The following MLIP variants were observed in gnomAD, a reference collection of about 807,000 sequenced individuals.
MLIP encodes muscular LMNA-interacting protein.
Under a neutral mutation model 84.8 loss-of-function variants are expected in MLIP, and 79 were observed. That is an observed-to-expected ratio of 0.93 (90% CI 0.78 to 1.12). MLIP has a LOEUF of 1.12. Among genes scored for constraint, MLIP ranks in the 50% most tolerant of loss-of-function variants. The pLI is 0.00. For synonymous variants in MLIP, 504 were observed against 463.0 expected (o/e 1.09, Z -1.14); for missense variants, 1,257 against 1,160.6 (o/e 1.08, Z -1.21).
chr6:54,150,277 A>G (rs887000466), intron 5 of MLIP, among the ~76,000 whole-genome samples: 2 of 152,194 alleles, frequency 1.3e-5, no homozygotes, highest in Admixed American at 6.6e-5. Flanking sequence ...AGGCTGCAGG[A>G]AAATCTGCAG....
intron 9 of MLIP, among the ~76,000 whole-genome samples, chr6:54,184,229 A>G (rs541571233): frequency 1.0e-3 from 157 of 152,300 alleles, no homozygotes; most frequent in Non-Finnish European, 1.9e-3. Flanking sequence ...GTCAACAGAG[A>G]AAAAGGGAAA....
At chr6:54,022,991 C>A (rs1763582978) in intron 1 of MLIP, among the ~76,000 whole-genome samples, 1 of 151,768 alleles carries the variant, frequency 6.6e-6, no homozygotes, top group African/African-American at 2.4e-5. Flanking sequence ...CACGGTGAAA[C>A]ACCATCTCTA....
chr6:54,057,147 T>C (rs568271382), intron 1 of MLIP, among the ~76,000 whole-genome samples: 1 of 152,292 alleles, frequency 6.6e-6, no homozygotes, highest in African/African-American at 2.4e-5. Flanking sequence ...CACTGAGAAA[T>C]TAAATGACTT....
chr6:54,166,970 T>A (rs373807519), intron 8 of MLIP, among the ~76,000 whole-genome samples: 1 of 151,956 alleles, frequency 6.6e-6, no homozygotes, highest in African/African-American at 2.4e-5. Flanking sequence ...TTTGGTGTCA[T>A]GTTTTATTCT....
chr6:54,252,091 A>ATATATTATAACATATAATATATAAC (rs1212786517), intron 12 of MLIP, among the ~76,000 whole-genome samples: 1,438 of 73,222 alleles, frequency 0.02, 84 homozygotes, highest in African/African-American at 0.041. Flanking sequence ...TAATATAAAT[A>ATATATTATAACATATAATATATAAC]TATATTATAA....
chr6:54,172,953 C>T (rs1485462060), intron 9 of MLIP, among the ~76,000 whole-genome samples: 1 of 151,610 alleles, frequency 6.6e-6, no homozygotes, highest in Non-Finnish European at 1.5e-5. Flanking sequence ...AGAATTGAAA[C>T]TAGGCTAACA....
At chr6:54,241,082 A>G (rs1018359155) in intron 12 of MLIP, among the ~76,000 whole-genome samples, 20 of 152,248 alleles carry the variant, frequency 1.3e-4, no homozygotes, top group Non-Finnish European at 1.0e-4. Context: ...TTTACCTCAT[A>G]GAAAACACTA....
chr6:54,201,176 C>A (rs1463346762), intron 10 of MLIP, among the ~76,000 whole-genome samples: 1 of 152,132 alleles, frequency 6.6e-6, no homozygotes, highest in African/African-American at 2.4e-5. Flanking sequence ...AGTTCTCCTG[C>A]CTCTCTTTGT....
chr6:54,227,536 T>C (rs1350968732), intron 11 of MLIP, among the ~76,000 whole-genome samples: 1 of 152,210 alleles, frequency 6.6e-6, no homozygotes, highest in Admixed American at 6.5e-5. Flanking sequence ...AAGCGCATAC[T>C]GGGGTATTTT....
chr6:54,068,377 T>G lies in MLIP; in HGVS notation c.63+49286T>G, dbSNP rs527318513. 6.3e-4 allele frequency among the ~76,000 whole-genome samples: 62 copies of G among 97,936 alleles called. 21 individuals are homozygous for G. Among genetic ancestry groups the G allele is most frequent in the Non-Finnish European group, 1.5e-3 (51 of 34,120 alleles). 64.2% of individuals were successfully genotyped at this position (97,936 alleles called of 152,430 possible). A position where few individuals can be genotyped will look rare whatever the true frequency, so the allele number is the denominator to read the frequency against. ...GTCTCGAACTCCTGACCTCAAGTGA[T>G]CCACCCACCTCAGCCTCCCAAAGTT... is the stretch of plus-strand genomic sequence containing the variant. On this transcript the variant is annotated intron_variant, in intron 1 of 12. Coordinates refer to the MLIP transcript ENST00000274897.
At chr6:54,095,589 G>T (rs957067772) in intron 1 of MLIP, among the ~76,000 whole-genome samples, 2 of 151,804 alleles carry the variant, frequency 1.3e-5, no homozygotes, top group Non-Finnish European at 2.9e-5. Context: ...GAGTGATTGG[G>T]GTAAAAAAGA....
chr6:54,107,313 A>G (rs914136601), upstream of MLIP, among the ~76,000 whole-genome samples: 1 of 152,238 alleles, frequency 6.6e-6, no homozygotes, highest in Non-Finnish European at 1.5e-5. Context: ...TACTACTATA[A>G]GCAGTAATAA....
At chr6:54,257,263 C>T in intron 12 of MLIP, 45 bp from the exon 13 acceptor site, 7 of 1,381,830 alleles carry the variant, frequency 5.1e-6, no homozygotes, top group East Asian at 2.3e-5. Flanking sequence ...TTATTTTTTT[C>T]TCACTTCTAC....
At chr6:54,095,155 G>T (rs1301279661) in intron 1 of MLIP, among the ~76,000 whole-genome samples, 1 of 152,150 alleles carries the variant, frequency 6.6e-6, no homozygotes, top group Admixed American at 6.6e-5. Context: ...TTACCATAAA[G>T]ATGTATTTTG....
At chr6:54,233,842 A>T (rs11968380) in intron 12 of MLIP, among the ~76,000 whole-genome samples, 1 of 152,128 alleles carries the variant, frequency 6.6e-6, no homozygotes, top group African/African-American at 2.4e-5. Context: ...CTCTCTCCAG[A>T]TCTTCTCCAG....
chr6:54,049,171 A>G (rs1765238954), intron 1 of MLIP, among the ~76,000 whole-genome samples: 1 of 152,200 alleles, frequency 6.6e-6, no homozygotes, highest in Admixed American at 6.5e-5. Context: ...GAGGATTTTC[A>G]GCAAATACCT....
In MLIP at chr6:54,093,329, A is replaced by ATTCT. The variant is rs1767981818; in HGVS notation, c.64-28118_64-28117insTTCT. ...GTGCTTATTAATATATTTTCGATTA[A>ATTCT]ATTCTATTCTATTCTATTCTATTCT... On this transcript the variant is annotated intron_variant, in intron 1 of 12. Coordinates refer to the MLIP transcript ENST00000274897. Among the ~76,000 whole-genome samples, 11 of 134,078 alleles carry ATTCT rather than the reference A, an allele frequency of 8.2e-5. No homozygotes were observed. The South Asian group carries it at 2.1e-3, about 26-fold the overall frequency. 88.0% of individuals were successfully genotyped at this position (134,078 alleles called of 152,430 possible).
intron 1 of MLIP, among the ~76,000 whole-genome samples, chr6:54,033,053 A>G (rs2150286461): frequency 6.6e-6 from 1 of 152,300 alleles, no homozygotes; most frequent in East Asian, 1.9e-4. Flanking sequence ...AACATCTTTA[A>G]TTAAATTTTT....
In MLIP at chr6:54,146,693, C is replaced by A. The variant is rs182189247; in HGVS notation, c.2218-2363C>A. Reference sequence around the variant, plus strand: ...TGAGGGAGTTGAACCAAATGACCTTCTATATCACTTCTTATGGTAAGATTC... The same window carrying A: ...TGAGGGAGTTGAACCAAATGACCTTATATATCACTTCTTATGGTAAGATTC... On this transcript the variant is annotated intron_variant, in intron 4 of 13. Coordinates refer to ENST00000502396, the MANE Select transcript of MLIP (RefSeq NM_001281747.2). Among the ~76,000 whole-genome samples the A allele has an allele frequency of 3.9e-5, 6 of 152,322 alleles. No individual in the cohort carries two copies. In the East Asian group the frequency reaches 1.2e-3, roughly 29 times the overall value.
Sources: gnomAD v4.1 joint callset for allele counts (sites outside exome capture counted in the v4.1 genomes callset) on GRCh38, gnomAD v4.1.1 for gene constraint, MANE v1.5 for transcripts, NCBI Gene and HGNC (gene_info 2026-07-23, HGNC 2026-07-21) for gene names.